The following NUP37 variants were observed in gnomAD, a reference collection of about 807,000 sequenced individuals.
NUP37 encodes nucleoporin Nup37.
Under a neutral mutation model 45.4 loss-of-function variants are expected in NUP37, and 33 were observed. That is an observed-to-expected ratio of 0.73 (90% CI 0.55 to 0.97). NUP37 has a LOEUF of 0.97. Ranked by LOEUF, NUP37 falls within the 50% of genes least tolerant of loss-of-function variation. NUP37 has a pLI of 0.00. For missense variants in NUP37, 365 were observed against 389.7 expected, an observed-to-expected ratio of 0.94 and a Z score of 0.53; for synonymous variants, 127 against 130.7, an observed-to-expected ratio of 0.97 and a Z score of 0.19.
At chr12:102,087,897 G>A (rs1053007151) in intron 5 of NUP37, among the ~76,000 whole-genome samples, 1 of 152,142 alleles carries the variant, frequency 6.6e-6, no homozygotes, top group Non-Finnish European at 1.5e-5. Context: ...GTCAGTTAAT[G>A]AAATGTATTC....
Position 102,118,545 on chromosome 12 carries a change from T to G in NUP37, c.-27A>C. On this transcript the variant is annotated 5_prime_UTR_variant, in exon 2 of 10. Transcript: ENST00000552283. ...TTGTATGTCAAAATTCAAGCAGTTG[T>G]GAAAATTAAATAGCCTTCTACTGGA... 1.2e-6 allele frequency: 2 copies of G among 1,600,502 alleles called. No individual in the cohort carries two copies. Among genetic ancestry groups the G allele is most frequent in the Non-Finnish European group, 8.5e-7 (1 of 1,174,572 alleles).
chr12:102,116,052 C>T (rs1388270646), intron 2 of NUP37, among the ~76,000 whole-genome samples: 1 of 152,142 alleles, frequency 6.6e-6, no homozygotes, highest in Non-Finnish European at 1.5e-5. Context: ...AATTTGGGCA[C>T]GAGACCTACA....
At chr12:102,111,968 A>T in intron 3 of NUP37, 140 bp downstream of exon 3, 1 of 714,888 alleles carries the variant, frequency 1.4e-6, no homozygotes, top group Non-Finnish European at 2.3e-6. Flanking sequence ...ATTATTAAGT[A>T]GTAGCAAATA....
rs1879103463 is a variant in NUP37 at position 102,074,167 on chromosome 12, C to T, written c.*187G>A. 2 of 392,968 alleles carry T rather than the reference C, an allele frequency of 5.1e-6. No individual in the cohort carries two copies. The highest frequency in any genetic ancestry group is 4.2e-5 in the Admixed American group (1 of 23,834). 24.3% of individuals were successfully genotyped at this position (392,968 alleles called of 1,614,324 possible). A position where few individuals can be genotyped will look rare whatever the true frequency, so the allele number is the denominator to read the frequency against. ...GATTAAAAATATATATATATACACA[C>T]ACAGAGAACAGAGTAGAAAAATAAT... On this transcript the variant is annotated 3_prime_UTR_variant, in exon 10 of 10. Coordinates refer to ENST00000552283, the MANE Select transcript of NUP37 (RefSeq NM_024057.4).
In NUP37 at chr12:102,073,573, A is replaced by AATC. The variant is rs1879088929; in HGVS notation, c.*778_*780dup. The AATC allele has an allele frequency of 6.6e-6, 1 of 152,242 alleles. No individual in the cohort carries two copies. Among genetic ancestry groups the AATC allele is most frequent in the African/African-American group, 2.4e-5 (1 of 41,470 alleles). The allele number at this position is 152,242 out of a possible 1,614,324, so 9.4% of individuals were successfully genotyped here. ...TATAATAAACAGGGTTGAGCAATATAATCAATCACATATTTAAGAAACTGA... is the reference window on the plus strand; with the variant it reads ...TATAATAAACAGGGTTGAGCAATATAATCATCAATCACATATTTAAGAAACTGA... On this transcript the variant is annotated 3_prime_UTR_variant, in exon 10 of 10. Transcript: ENST00000552283.
At position 102,076,854 on chromosome 12, in the gene NUP37, G is replaced by C; in HGVS notation, c.723-7C>G. 1 of 1,608,092 alleles carries C rather than the reference G, an allele frequency of 6.2e-7. No homozygotes were observed. The highest frequency in any genetic ancestry group is 8.5e-7 in the Non-Finnish European group (1 of 1,175,460). On this transcript the variant is annotated splice_polypyrimidine_tract_variant and splice_region_variant and intron_variant, in intron 7 of 9. Coordinates refer to ENST00000552283, the MANE Select transcript of NUP37 (RefSeq NM_024057.4). ...TCTCTTATTTTGAGGATAACTAAAAGATAATATTTTGCATTTTATGAATTA... is the reference window on the plus strand; with the variant it reads ...TCTCTTATTTTGAGGATAACTAAAACATAATATTTTGCATTTTATGAATTA...
At chr12:102,083,052 T>C (rs989060278) in intron 6 of NUP37, among the ~76,000 whole-genome samples, 1 of 152,192 alleles carries the variant, frequency 6.6e-6, no homozygotes, top group African/African-American at 2.4e-5. Context: ...GGTGGAATTT[T>C]AATGATATGT....
chr12:102,073,632 CACATAT>C lies in NUP37; in HGVS notation c.*716_*721del, dbSNP rs1879090408. 6.6e-6 allele frequency: 1 copy of C among 152,102 alleles called. No individual in the cohort carries two copies. Among genetic ancestry groups the C allele is most frequent in the Non-Finnish European group, 1.5e-5 (1 of 68,016 alleles). The allele number at this position is 152,102 out of a possible 1,614,324, so 9.4% of individuals were successfully genotyped here. A position where few individuals can be genotyped will look rare whatever the true frequency, so the allele number is the denominator to read the frequency against. ...TTTTACATTAAATTGAGTACACATA[CACATAT>C]ATATACTCAACAACCACTTCCAGAA... is the stretch of plus-strand genomic sequence containing the variant. On this transcript the variant is annotated 3_prime_UTR_variant, in exon 10 of 10. Transcript: ENST00000552283.
intron 5 of NUP37, among the ~76,000 whole-genome samples, chr12:102,097,005 A>G (rs1879825165): frequency 6.6e-6 from 1 of 152,072 alleles, no homozygotes; most frequent in African/African-American, 2.4e-5. Context: ...TTTCTTGCAC[A>G]TGGGTCTATG....
rs779806104 is a variant in NUP37, at chr12:102,077,465, A to G, written c.579T>C (p.Tyr193=). The G allele has an allele frequency of 5.6e-6, 9 of 1,613,826 alleles. No individual in the cohort carries two copies. The South Asian group carries it at 7.7e-5, about 14-fold the overall frequency. The change falls in exon 7 of 10, where the codon TAT becomes TAC. Residue 193 remains tyrosine (Y), a synonymous_variant. Coordinates refer to ENST00000552283, the MANE Select transcript of NUP37 (RefSeq NM_024057.4). ...VAEKNGTIRF[Y]DLLAQQAILS... is the part of the protein sequence containing the mutation. ...AAATAGCCTGTTGGGCCAAAAGATC[A>G]TAAAACCGGATTGTTCCATTCTTCT...
intron 5 of NUP37, among the ~76,000 whole-genome samples, chr12:102,094,932 A>G (rs1879760111): frequency 6.6e-6 from 1 of 152,102 alleles, no homozygotes; most frequent in South Asian, 2.1e-4. Context: ...CTTTTATCTA[A>G]TATTTTAAAA....
chr12:102,075,320 T>C (rs1011927585), intron 8 of NUP37, among the ~76,000 whole-genome samples: 2 of 151,908 alleles, frequency 1.3e-5, no homozygotes, highest in African/African-American at 4.8e-5. Context: ...GGACTACAGG[T>C]GTGTACTACG....
At chr12:102,107,992 GTTTAC>G (rs905442824) in intron 3 of NUP37, among the ~76,000 whole-genome samples, 33 of 152,240 alleles carry the variant, frequency 2.2e-4, no homozygotes, top group African/African-American at 7.5e-4. Context: ...TTTCATGAAT[GTTTAC>G]TTTATAATAA....
Position 102,074,366 on chromosome 12 carries a change from C to G in NUP37, c.969G>C (p.Val323=), listed in dbSNP as rs1244998272. The G allele has an allele frequency of 6.2e-7, 1 of 1,607,280 alleles. No individual in the cohort carries two copies. The highest frequency in any genetic ancestry group is 8.5e-7 in the Non-Finnish European group (1 of 1,174,994). ...TACAGAAAACACTTTATACTTCAGTCACCCAAAACAACAGCTTGTGGTCTC... is the reference window on the plus strand; with the variant it reads ...TACAGAAAACACTTTATACTTCAGTGACCCAAAACAACAGCTTGTGGTCTC... ...IGGDHKLLFW[V]TEV Residue 323 remains valine (V), a synonymous_variant, in exon 10 of 10, where the codon GTG becomes GTC. Transcript: ENST00000552283.
intron 6 of NUP37, among the ~76,000 whole-genome samples, chr12:102,085,140 C>T (rs1259057679): frequency 1.3e-5 from 2 of 152,102 alleles, no homozygotes; most frequent in African/African-American, 4.8e-5. Context: ...GCCTACTGGG[C>T]CAGGCATGGT....
Position 102,118,382 on chromosome 12 carries a change from A to G in NUP37, c.137T>C (p.Ile46Thr). The G allele has an allele frequency of 6.2e-7, 1 of 1,613,726 alleles. No homozygotes were observed. Among genetic ancestry groups the G allele is most frequent in the South Asian group, 1.1e-5 (1 of 91,006 alleles). ...ACTAACCTGAAACGTACACGTGCCA[A>G]TGACCACATAATTATTGCCACCATA... Reference protein sequence around the residue: ...IAYGGNNYVVIGTCTFQEEEA... With the variant: ...IAYGGNNYVVTGTCTFQEEEA... Residue 46 changes from isoleucine to threonine, a missense_variant, in exon 2 of 10, where the codon ATT becomes ACT. Physicochemically the swap from Ile to Thr is moderately conservative, Grantham distance 89 (BLOSUM62 -1). Coordinates refer to ENST00000552283, the MANE Select transcript of NUP37 (RefSeq NM_024057.4).
intron 2 of NUP37, among the ~76,000 whole-genome samples, chr12:102,114,095 T>C (rs377285779): frequency 1.6e-4 from 24 of 152,252 alleles, no homozygotes; most frequent in African/African-American, 4.8e-4. Context: ...AATAGTTGTA[T>C]AGCTAACAGC....
chr12:102,114,563 T>C (rs1317431376), intron 2 of NUP37, among the ~76,000 whole-genome samples: 5 of 152,334 alleles, frequency 3.3e-5, no homozygotes, highest in African/African-American at 1.2e-4. Context: ...TACAAATGAT[T>C]ATACAAGGTT....
At chr12:102,078,920 T>G (rs1156960863) in intron 6 of NUP37, 1 of 155,814 alleles carries the variant, frequency 6.4e-6, no homozygotes, top group Non-Finnish European at 1.4e-5. Context: ...AAATTTTTCT[T>G]AATCTCAAGG....
Sources: gnomAD v4.1 joint callset for allele counts (sites outside exome capture counted in the v4.1 genomes callset) on GRCh38, gnomAD v4.1.1 for gene constraint, MANE v1.5 for transcripts, NCBI Gene and HGNC (gene_info 2026-07-23, HGNC 2026-07-21) for gene names.